Variants in STAG2 observed in about 807,000 individuals in gnomAD.
The protein encoded by STAG2 is cohesin subunit SA-2.
A neutral mutation model predicts 108.1 loss-of-function variants in STAG2; 14 were observed. That is an observed-to-expected ratio of 0.13 (90% CI 0.09 to 0.20). The LOEUF is 0.20. Ranked by LOEUF, STAG2 falls within the 10% of genes least tolerant of loss-of-function variation. The pLI, the probability that STAG2 is intolerant of heterozygous loss-of-function variation, is 1.00. For missense variants in STAG2, 440 were observed against 940.9 expected, an observed-to-expected ratio of 0.47 and a Z score of 6.96; for synonymous variants, 307 against 302.7, an observed-to-expected ratio of 1.01 and a Z score of -0.15.
intron 5 of STAG2, among the ~76,000 whole-genome samples, chrX:124,036,788 A>G (rs1467999351): frequency 9.0e-6 from 1 of 111,725 alleles, no homozygotes; most frequent in Non-Finnish European, 1.9e-5. Flanking sequence ...AACCATATTG[A>G]GATATATTTA....
intron 1 of STAG2, among the ~76,000 whole-genome samples, chrX:123,971,274 TA>T (rs1342016569): frequency 1.8e-5 from 2 of 111,091 alleles, no homozygotes; most frequent in South Asian, 3.8e-4. Context: ...ACTAAAAATA[TA>T]AAAATTAGCC....
At chrX:123,974,236 CTTTTTTTT>C (rs201656151) in intron 1 of STAG2, among the ~76,000 whole-genome samples, 1 of 98,758 alleles carries the variant, frequency 1.0e-5, no homozygotes, top group African/African-American at 3.6e-5. Context: ...TTTCTTTTTT[CTTTTTTTT>C]TTTTTTGAGA....
At chrX:123,999,824 A>G (rs1323501242) in intron 1 of STAG2, among the ~76,000 whole-genome samples, 1 of 110,352 alleles carries the variant, frequency 9.1e-6, no homozygotes, top group Non-Finnish European at 1.9e-5. Context: ...CATGTTGCTC[A>G]GACTGGTCTT....
At chrX:123,966,770 G>T (rs1330098286) in intron 1 of STAG2, among the ~76,000 whole-genome samples, 1 of 112,017 alleles carries the variant, frequency 8.9e-6, no homozygotes, top group African/African-American at 3.2e-5. Context: ...TTCAGCAGCT[G>T]TGGTAATCTG....
intron 5 of STAG2, among the ~76,000 whole-genome samples, chrX:124,035,818 T>A (rs1209282863): frequency 8.9e-6 from 1 of 111,809 alleles, no homozygotes; most frequent in African/African-American, 3.3e-5. Context: ...GAGAGAAGTG[T>A]CCAGTTTGCT....
chrX:124,068,527 C>T (rs777713202), intron 23 of STAG2, 37 bp from the exon 24 acceptor site: 1 of 974,765 alleles, frequency 1.0e-6, no homozygotes, highest in East Asian at 3.2e-5. Flanking sequence ...ATTGTTTATA[C>T]AATATTTTTT....
chrX:124,027,847 GT>G (rs1316754183), intron 4 of STAG2, among the ~76,000 whole-genome samples: 1 of 110,928 alleles, frequency 9.0e-6, no homozygotes, highest in East Asian at 2.8e-4. Context: ...TTATGTAGAA[GT>G]TTTTTTTCTC....
At chrX:124,053,673 C>T (rs1318868828) in intron 13 of STAG2, among the ~76,000 whole-genome samples, 1 of 111,326 alleles carries the variant, frequency 9.0e-6, no homozygotes, top group African/African-American at 3.3e-5. Flanking sequence ...TAGAGATGAA[C>T]ACATATGCAC....
At chrX:124,048,032 T>G (rs1036734745) in intron 9 of STAG2, among the ~76,000 whole-genome samples, 1 of 112,357 alleles carries the variant, frequency 8.9e-6, no homozygotes, top group Non-Finnish European at 1.9e-5. Context: ...GGCTGTAATT[T>G]AAATTCTTTC....
intron 29 of STAG2, among the ~76,000 whole-genome samples, chrX:124,084,086 G>A (rs938942937): frequency 3.6e-5 from 4 of 111,793 alleles, no homozygotes; most frequent in Non-Finnish European, 5.6e-5. Context: ...CCCCCAAAAT[G>A]GATTTAAATT....
rs1460210596 is a variant in STAG2 at position 124,066,161 on chromosome X, T to TC, written c.2097-14_2097-13insC. On this transcript the variant is annotated splice_polypyrimidine_tract_variant and intron_variant, in intron 21 of 34. Coordinates refer to ENST00000371145, the MANE Select transcript of STAG2 (RefSeq NM_001042750.2). ...AAACTTAATTTTTTTTTTTTTTTTT[T>TC]TTTTTTTTTACAGTGCCCATGACCT... 5 of 1,019,006 alleles carry TC rather than the reference T, an allele frequency of 4.9e-6. No homozygotes were observed. The East Asian group carries it at 1.7e-4, about 35-fold the overall frequency. The allele number at this position is 1,019,006 out of a possible 1,213,427, so 84.0% of individuals were successfully genotyped here. A position where few individuals can be genotyped will look rare whatever the true frequency, so the allele number is the denominator to read the frequency against.
At chrX:123,967,164 C>T (rs1001111480) in intron 1 of STAG2, among the ~76,000 whole-genome samples, 2 of 109,761 alleles carry the variant, frequency 1.8e-5, no homozygotes, top group South Asian at 3.9e-4. Context: ...GGATTACAGG[C>T]GGAGCCACCG....
At chrX:124,087,655 T>C (rs1472602021) in intron 30 of STAG2, among the ~76,000 whole-genome samples, 2 of 112,305 alleles carry the variant, frequency 1.8e-5, no homozygotes, top group African/African-American at 6.5e-5. Context: ...GCCAATTTCT[T>C]AAGGCCTGGG....
chrX:124,015,149 G>A (rs770265700), intron 1 of STAG2, among the ~76,000 whole-genome samples: 1 of 105,680 alleles, frequency 9.5e-6, no homozygotes, highest in African/African-American at 3.5e-5. Context: ...CACCAAGTCC[G>A]GCTAATTTTT....
intron 1 of STAG2, among the ~76,000 whole-genome samples, chrX:124,010,194 C>T (rs1047775094): frequency 6.3e-5 from 7 of 111,331 alleles, no homozygotes; most frequent in Non-Finnish European, 1.1e-4. Context: ...AATTGAGTAA[C>T]GTTAAATATA....
Position 124,066,208 on chromosome X carries a change from T to C in STAG2, c.2130T>C (p.Ala710=). Residue 710 remains alanine, a synonymous_variant, in exon 22 of 35, where the codon GCT becomes GCC. Transcript: ENST00000371145. ...ACCTTTCAAAGTGGGATTTATTTGC[T>C]TGTAATTACAAACTCTTGAAAACTG... ...AHDLSKWDLF[A]CNYKLLKTGI... is the part of the protein sequence containing the mutation. 1 of 1,200,831 alleles carries C rather than the reference T, an allele frequency of 8.3e-7. No individual in the cohort carries two copies. Among genetic ancestry groups the C allele is most frequent in the Non-Finnish European group, 1.1e-6 (1 of 890,001 alleles).
intron 6 of STAG2, among the ~76,000 whole-genome samples, chrX:124,038,302 C>T (rs1294261608): frequency 9.0e-6 from 1 of 110,611 alleles, no homozygotes; most frequent in Non-Finnish European, 1.9e-5. Flanking sequence ...ATGAGCCAGT[C>T]AAGATTACGG....
At chrX:123,995,165 G>A (rs916256269) in intron 1 of STAG2, among the ~76,000 whole-genome samples, 2 of 111,779 alleles carry the variant, frequency 1.8e-5, no homozygotes, top group African/African-American at 6.5e-5. Context: ...AAGCTTGACT[G>A]TAAAATACAA....
At chrX:123,962,341 CT>C (rs34466376) in intron 1 of STAG2, among the ~76,000 whole-genome samples, 4 of 110,883 alleles carry the variant, frequency 3.6e-5, no homozygotes, top group African/African-American at 9.9e-5. Flanking sequence ...TGATTTCGGC[CT>C]TTTTTTCCCC....
Sources: allele counts gnomAD v4.1 joint callset (sites outside exome capture counted in the v4.1 genomes callset), GRCh38; gene constraint gnomAD v4.1.1; transcripts MANE v1.5; gene names NCBI Gene and HGNC (gene_info 2026-07-23, HGNC 2026-07-21).